Variants in PTPN11 observed in about 807,000 individuals in gnomAD.
PTPN11 encodes protein tyrosine phosphatase non-receptor type 11.
In PTPN11, 6 loss-of-function variants were observed where a neutral mutation model predicts 78.8. The observed-to-expected ratio is 0.08, with a 90% confidence interval of 0.04 to 0.15. PTPN11 has a LOEUF of 0.15. Among genes scored for constraint, PTPN11 ranks in the 10% least tolerant of loss-of-function variants. PTPN11 has a pLI of 1.00. For synonymous variants in PTPN11, 221 were observed against 263.5 expected, an observed-to-expected ratio of 0.84 and a Z score of 1.56; for missense variants, 386 against 744.8, an observed-to-expected ratio of 0.52 and a Z score of 5.61.
chr12:112,485,690 A>G (rs978179597), intron 10 of PTPN11, among the ~76,000 whole-genome samples: 1 of 152,130 alleles, frequency 6.6e-6, no homozygotes, highest in South Asian at 2.1e-4. Flanking sequence ...AAATAGAACA[A>G]TACTGGCCAG....
rs2038972096 is a variant in PTPN11 at position 112,509,251 on chromosome 12, A to C, written c.*3459A>C. 2 of 152,260 alleles carry C rather than the reference A, an allele frequency of 1.3e-5. No homozygotes were observed. The highest frequency in any genetic ancestry group is 1.3e-4 in the Admixed American group (2 of 15,274). 9.4% of individuals were successfully genotyped at this position (152,260 alleles called of 1,614,324 possible). A position where few individuals can be genotyped will look rare whatever the true frequency, so the allele number is the denominator to read the frequency against. On this transcript the variant is annotated 3_prime_UTR_variant, in exon 16 of 16. Coordinates refer to ENST00000351677, the MANE Select transcript of PTPN11 (RefSeq NM_002834.5). ...CAAAATATAGTTTATTGTATCTTTCATCACTAAAAATTTGTTCCTTTTTCA... is the reference window on the plus strand; with the variant it reads ...CAAAATATAGTTTATTGTATCTTTCCTCACTAAAAATTTGTTCCTTTTTCA...
intron 4 of PTPN11, 145 bp downstream of exon 4, chr12:112,453,532 T>C: frequency 1.4e-6 from 1 of 729,648 alleles, no homozygotes; most frequent in South Asian, 2.2e-5. Context: ...GACAGGGTCT[T>C]GCTCTATCAC....
intron 6 of PTPN11, among the ~76,000 whole-genome samples, chr12:112,456,470 T>A (rs1389945512): frequency 6.6e-6 from 1 of 151,418 alleles, no homozygotes; most frequent in Non-Finnish European, 1.5e-5. Context: ...TTTTTTTTTT[T>A]TTTTTTGAGA....
In PTPN11 at chr12:112,477,676, C is replaced by A. The variant is rs117730996; in HGVS notation, c.879C>A (p.His293Gln). ...TTGATCATACCAGGGTTGTCCTACA[C>A]GATGGTGATCCCAATGAGCCTGTTT... ...LPFDHTRVVL[H>Q]DGDPNEPVSD... The change falls in exon 8 of 16, where the codon CAC becomes CAA. Residue 293 changes from histidine to glutamine, a missense_variant. Around this residue, in one of 3 missense-constraint regions of PTPN11, gnomAD observed 279 missense variants for 503.3 expected, o/e 0.55. Coordinates refer to ENST00000351677, the MANE Select transcript of PTPN11 (RefSeq NM_002834.5). The A allele has an allele frequency of 6.2e-7, 1 of 1,612,894 alleles. No homozygotes were observed. The highest frequency in any genetic ancestry group is 8.5e-7 in the Non-Finnish European group (1 of 1,179,348).
intron 1 of PTPN11, among the ~76,000 whole-genome samples, chr12:112,445,116 G>A (rs1453944769): frequency 6.6e-6 from 1 of 151,852 alleles, no homozygotes. Context: ...CACATACCCC[G>A]AAGCATGTAT....
Position 112,452,691 on chromosome 12 carries a change from C to G in PTPN11, c.333-504C>G, listed in dbSNP as rs1331022266. 2.0e-5 allele frequency among the ~76,000 whole-genome samples: 3 copies of G among 152,210 alleles called. No individual in the cohort carries two copies. In the East Asian group the frequency reaches 5.8e-4, roughly 29 times the overall value. Reference sequence around the variant, plus strand: ...TACAGGCAGTTGCCACCATGCCAGGCTAATTTTTAATTGTTTTGTGAAGAT... The same window carrying G: ...TACAGGCAGTTGCCACCATGCCAGGGTAATTTTTAATTGTTTTGTGAAGAT... On this transcript the variant is annotated intron_variant, in intron 3 of 15. Coordinates refer to ENST00000351677, the MANE Select transcript of PTPN11 (RefSeq NM_002834.5).
intron 13 of PTPN11, among the ~76,000 whole-genome samples, chr12:112,493,688 C>T (rs2038782880): frequency 6.6e-6 from 1 of 152,120 alleles, no homozygotes; most frequent in African/African-American, 2.4e-5. Context: ...CACACCCAGC[C>T]ACATTACGTT....
intron 13 of PTPN11, among the ~76,000 whole-genome samples, chr12:112,492,528 T>A (rs1429319006): frequency 6.6e-6 from 1 of 151,992 alleles, no homozygotes; most frequent in African/African-American, 2.4e-5. Flanking sequence ...AATACTTTTT[T>A]TTTTTTTGAG....
chr12:112,435,221 C>T (rs113622718), intron 1 of PTPN11, among the ~76,000 whole-genome samples: 1 of 151,216 alleles, frequency 6.6e-6, no homozygotes, highest in Non-Finnish European at 1.5e-5. Context: ...GGTTTCCCTA[C>T]GTTGCCCAGG....
At chr12:112,419,939 T>C (rs780401562) in intron 1 of PTPN11, among the ~76,000 whole-genome samples, 15 of 152,230 alleles carry the variant, frequency 9.9e-5, no homozygotes, top group Non-Finnish European at 1.9e-4. Flanking sequence ...GTAATACTAC[T>C]ACTAATAGCT....
At chr12:112,433,678 C>T (rs1249326823) in intron 1 of PTPN11, among the ~76,000 whole-genome samples, 5 of 152,202 alleles carry the variant, frequency 3.3e-5, no homozygotes, top group Middle Eastern at 3.2e-3. Context: ...TGGCTGGGCG[C>T]AGTGGCTCAT....
rs1405197827 is a variant in PTPN11 at position 112,454,546 on chromosome 12, A to G, written c.526-18A>G. 6.5e-7 allele frequency: 1 copy of G among 1,549,816 alleles called. No individual in the cohort carries two copies. Among genetic ancestry groups the G allele is most frequent in the Non-Finnish European group, 8.9e-7 (1 of 1,122,420 alleles). On this transcript the variant is annotated intron_variant, in intron 4 of 15. Coordinates refer to ENST00000351677, the MANE Select transcript of PTPN11 (RefSeq NM_002834.5). ...ATAAAGGTAACAAATAATAAATGTC[A>G]TGTGTTTATCTTGAAAGGAACTGAA...
intron 2 of PTPN11, among the ~76,000 whole-genome samples, chr12:112,449,801 C>T (rs1232183801): frequency 6.6e-6 from 1 of 152,054 alleles, no homozygotes; most frequent in African/African-American, 2.4e-5. Flanking sequence ...CGTGGTGGCT[C>T]ACGCCTGTAA....
At chr12:112,487,868 C>A (rs944688346) in intron 11 of PTPN11, among the ~76,000 whole-genome samples, 1 of 152,188 alleles carries the variant, frequency 6.6e-6, no homozygotes, top group Non-Finnish European at 1.5e-5. Flanking sequence ...ACTGCAACCT[C>A]TGCTTTCTGG....
chr12:112,465,648 C>T (rs2038315807), intron 6 of PTPN11, among the ~76,000 whole-genome samples: 1 of 152,130 alleles, frequency 6.6e-6, no homozygotes, highest in Non-Finnish European at 1.5e-5. Flanking sequence ...GCTCTCCATA[C>T]ACCTGCTTCA....
At chr12:112,488,015 C>T (rs2038701183) in intron 11 of PTPN11, among the ~76,000 whole-genome samples, 1 of 152,036 alleles carries the variant, frequency 6.6e-6, no homozygotes, top group African/African-American at 2.4e-5. Context: ...AACTCCTGGC[C>T]CCAAGTGATC....
chr12:112,465,580 G>A (rs1368731101), intron 6 of PTPN11, among the ~76,000 whole-genome samples: 1 of 152,062 alleles, frequency 6.6e-6, no homozygotes, highest in Non-Finnish European at 1.5e-5. Context: ...CTGTCTCTCG[G>A]GCTTTCTTCT....
rs1324681337 is a variant in PTPN11, at chr12:112,507,449, A to C, written c.*1657A>C. The C allele has an allele frequency of 1.3e-5, 2 of 152,896 alleles. No homozygotes were observed. The highest frequency in any genetic ancestry group is 3.8e-4 in the East Asian group (2 of 5,308). The allele number at this position is 152,896 out of a possible 1,614,324, so 9.5% of individuals were successfully genotyped here. Reference sequence around the variant, plus strand: ...TGCCACTGGGTTTTAGTCAGGCCACAGTGAGAAGGAACAGCCCTAACAGGC... The same window carrying C: ...TGCCACTGGGTTTTAGTCAGGCCACCGTGAGAAGGAACAGCCCTAACAGGC... On this transcript the variant is annotated 3_prime_UTR_variant, in exon 16 of 16. Coordinates refer to ENST00000351677, the MANE Select transcript of PTPN11 (RefSeq NM_002834.5).
intron 1 of PTPN11, among the ~76,000 whole-genome samples, chr12:112,428,519 C>G (rs1454603940): frequency 6.9e-6 from 1 of 145,922 alleles, no homozygotes; most frequent in African/African-American, 2.5e-5. Context: ...TTACTAAGTT[C>G]TCAGGGTCGA....
Sources: allele counts gnomAD v4.1 joint callset (sites outside exome capture counted in the v4.1 genomes callset), GRCh38; gene constraint gnomAD v4.1.1; regional missense constraint gnomAD v4.1.1; transcripts MANE v1.5; gene names NCBI Gene and HGNC (gene_info 2026-07-23, HGNC 2026-07-21).